The following TBC1D24 variants were observed in gnomAD, a reference collection of about 807,000 sequenced individuals.
The protein encoded by TBC1D24 is Infantile myoclonic epilepsy.
In TBC1D24, 47 loss-of-function variants were observed where a neutral mutation model predicts 50.7. The observed-to-expected ratio is 0.93, with a 90% CI of 0.73 to 1.18. The LOEUF (loss-of-function observed/expected upper bound fraction) is 1.18, where lower values mean the gene tolerates loss of function less well. Ranked by LOEUF, TBC1D24 falls within the 50% of genes most tolerant of loss-of-function variation. The pLI is 0.00. For synonymous variants in TBC1D24, 324 were observed against 335.2 expected, an observed-to-expected ratio of 0.97 and a Z score of 0.36; for missense variants, 688 against 766.5, an observed-to-expected ratio of 0.90 and a Z score of 1.21.
rs2065563492 is a variant in TBC1D24 at position 2,475,842 on chromosome 16, G to T, written c.-116+672G>T. Among the ~76,000 whole-genome samples the T allele has an allele frequency of 6.6e-6, 1 of 152,126 alleles. No homozygotes were observed. The highest frequency in any genetic ancestry group is 2.1e-4 in the South Asian group (1 of 4,828). On this transcript the variant is annotated intron_variant, in intron 1 of 7. Transcript: ENST00000646147. This position sits in a 1 kb window ranked among gnomAD's most constrained non-coding sequence, Gnocchi z 4.2. ...GCACCTGTTCCCGCCCCCTCCAGGC[G>T]GGAGTCCCCGCGGCCTGGCCACAGG...
chr16:2,477,392 G>A (rs535174298), intron 1 of TBC1D24: 1 of 152,170 alleles, frequency 6.6e-6, no homozygotes. Context: ...GGGCAACATA[G>A]GGAGGTCTCG....
rs796053404 is a variant in TBC1D24 at position 2,497,727 on chromosome 16, G to T, written c.983G>T (p.Arg328Met). Residue 328 changes from arginine (R) to methionine (M), a missense_variant and splice_region_variant, in exon 3 of 8, where the codon AGG (arginine) becomes ATG (methionine). By Grantham distance (91) the Arg-to-Met change is moderately conservative. Transcript: ENST00000646147. ...TTTTTCAGTGTGTCACTTTCTAAAAGGTAGGTCTGAAACTGTATCTGCACA... is the reference window on the plus strand; with the variant it reads ...TTTTTCAGTGTGTCACTTTCTAAAATGTAGGTCTGAAACTGTATCTGCACA... ...VKQKSVSLSK[R>M]QFVHLAVHAE... 2.0e-6 allele frequency: 3 copies of T among 1,536,010 alleles called. No homozygotes were observed. The highest frequency in any genetic ancestry group is 2.6e-6 in the Non-Finnish European group (3 of 1,146,888).
In TBC1D24 at chr16:2,497,695, TCTC is replaced by T. The variant is rs2065755511; in HGVS notation, c.966-12_966-10del. ...TTTTTCTTCTCCATGTCCGTTGCTT[TCTC>T]CTGTTTTTCAGTGTGTCACTTTCTA... On this transcript the variant is annotated splice_polypyrimidine_tract_variant and intron_variant, in intron 2 of 7. Coordinates refer to ENST00000646147, the MANE Select transcript of TBC1D24 (RefSeq NM_001199107.2). The T allele has an allele frequency of 1.3e-6, 2 of 1,536,040 alleles. No homozygotes were observed. The highest frequency in any genetic ancestry group is 1.7e-6 in the Non-Finnish European group (2 of 1,146,784).
intron 1 of TBC1D24, chr16:2,476,899 T>C (rs1206671037): frequency 6.6e-6 from 1 of 152,186 alleles, no homozygotes; most frequent in Non-Finnish European, 1.5e-5. Context: ...CTGCCAGGAG[T>C]GTCCAGCAGG....
At chr16:2,494,472 A>C (rs1170278813) in intron 1 of TBC1D24, among the ~76,000 whole-genome samples, 1 of 151,714 alleles carries the variant, frequency 6.6e-6, no homozygotes. Context: ...TGATCTTCTC[A>C]ACTGGGGGTT....
rs576798731 is a variant in TBC1D24, at chr16:2,505,183, A to T, written c.*4225A>T. On this transcript the variant is annotated 3_prime_UTR_variant, in exon 8 of 8. Transcript: ENST00000646147. ...TAGGTAGAAAAGTATGTGGATTTTT[A>T]AAAATCATCTGGTATAAAGAGTTTT... 1 of 152,362 alleles carries T rather than the reference A, an allele frequency of 6.6e-6. No individual in the cohort carries two copies. Among genetic ancestry groups the T allele is most frequent in the South Asian group, 2.1e-4 (1 of 4,830 alleles). The allele number at this position is 152,362 out of a possible 1,614,324, so 9.4% of individuals were successfully genotyped here.
intron 1 of TBC1D24, chr16:2,476,488 C>T (rs1249994518): frequency 1.3e-5 from 2 of 152,254 alleles, no homozygotes; most frequent in East Asian, 1.9e-4. Context: ...TGTGGCGTGA[C>T]CCCTGCGTGC....
In TBC1D24 at chr16:2,496,889, C is replaced by T. The variant is rs1339188304; in HGVS notation, c.741C>T (p.Ile247=). The change falls in exon 2 of 8, where the codon ATC becomes ATT. Residue 247 remains isoleucine, a synonymous_variant. Transcript: ENST00000646147. The stretch of plus-strand genomic sequence containing the variant: ...TGCTGTACCGCGTGGCGCTGGCCAT[C>T]CTCAAGTTCTTCCACAAGGTGAGGG... ...YKVLYRVALA[I]LKFFHKVRAG... 2 of 1,614,154 alleles carry T rather than the reference C, an allele frequency of 1.2e-6. No homozygotes were observed. Among genetic ancestry groups the T allele is most frequent in the Non-Finnish European group, 1.7e-6 (2 of 1,180,052 alleles).
chr16:2,478,541 T>C (rs1040487054), intron 1 of TBC1D24: 8 of 152,130 alleles, frequency 5.3e-5, no homozygotes, highest in African/African-American at 1.9e-4. Context: ...ACGAGAGCAT[T>C]TTGGGGATGC....
In TBC1D24 at chr16:2,499,734, G is replaced by GTCTCC; in HGVS notation, c.1207-101_1207-100insTCTCC. The GTCTCC allele has an allele frequency of 9.5e-7, 1 of 1,057,414 alleles. No homozygotes were observed. Among genetic ancestry groups the GTCTCC allele is most frequent in the Non-Finnish European group, 1.5e-6 (1 of 673,090 alleles). The allele number at this position is 1,057,414 out of a possible 1,614,324, so 65.5% of individuals were successfully genotyped here. On this transcript the variant is annotated intron_variant, in intron 5 of 7. Transcript: ENST00000646147. The surrounding 1 kb of genome is among the most constrained non-coding windows in gnomAD (Gnocchi z 4.0). The stretch of plus-strand genomic sequence containing the variant: ...GTGGGGGTGGGAGACGGCAATGCCT[G>GTCTCC]CACCCCCACCTGTGACCTGGGACAG...
In TBC1D24 at chr16:2,496,796, G is replaced by C. The variant is rs571126287; in HGVS notation, c.648G>C (p.Leu216=). ...TCTATGCGGACTGGCAGCGCTGGCT[G>C]TTTGGGGAGCTGCCCCTCTGCTACT... ...LQVYADWQRW[L]FGELPLCYFA... The change falls in exon 2 of 8, where the codon CTG becomes CTC. Residue 216 remains leucine (L), a synonymous_variant. Coordinates refer to ENST00000646147, the MANE Select transcript of TBC1D24 (RefSeq NM_001199107.2). The C allele has an allele frequency of 7.4e-6, 12 of 1,613,894 alleles. No individual in the cohort carries two copies. In the African/African-American group the frequency reaches 9.3e-5, roughly 13 times the overall value.
Position 2,483,138 on chromosome 16 carries a change from G to C in TBC1D24, c.-116+7968G>C, listed in dbSNP as rs1467643166. On this transcript the variant is annotated intron_variant, in intron 1 of 7. Coordinates refer to ENST00000646147, the MANE Select transcript of TBC1D24 (RefSeq NM_001199107.2). This position sits in a 1 kb window ranked among gnomAD's most constrained non-coding sequence, Gnocchi z 4.0. ...TTGGTCTGTGGTGGGAATGCAGAGA[G>C]CTGGGAAGCTCACGCCTGACAAGCC... 6.6e-6 allele frequency: 1 copy of C among 152,638 alleles called. No individual in the cohort carries two copies. Among genetic ancestry groups the C allele is most frequent in the African/African-American group, 2.4e-5 (1 of 41,432 alleles). The allele number at this position is 152,638 out of a possible 1,614,324, so 9.5% of individuals were successfully genotyped here.
Position 2,499,881 on chromosome 16 carries a change from T to C in TBC1D24, c.1253T>C (p.Phe418Ser), listed in dbSNP as rs776176742. The change falls in exon 6 of 8, where the codon TTT (phenylalanine) becomes TCT (serine). Residue 418 changes from phenylalanine to serine, a missense_variant. By Grantham distance (155) the Phe-to-Ser change is radical (BLOSUM62 -2). Transcript: ENST00000646147. This position sits in a 1 kb window ranked among gnomAD's most constrained non-coding sequence, Gnocchi z 4.0. ...ACAGACTGGAGTGAGAGAAATAAGT[T>C]TGGAGGCAAACTGGGCTTCTTTGGG... ...LSTDWSERNK[F>S]GGKLGFFGTG... is the part of the protein sequence containing the mutation. The C allele has an allele frequency of 1.1e-5, 18 of 1,613,896 alleles. No individual in the cohort carries two copies. Among genetic ancestry groups the C allele is most frequent in the East Asian group, 2.2e-5 (1 of 44,860 alleles).
chr16:2,497,661 T>C (rs1165712588), intron 2 of TBC1D24, 49 bp from the exon 3 acceptor site: 2 of 1,527,956 alleles, frequency 1.3e-6, no homozygotes, highest in Admixed American at 2.0e-5. Context: ...CCTCTCTTTG[T>C]CTGTTTTATT....
intron 1 of TBC1D24, chr16:2,480,125 T>C (rs886312339): frequency 2.0e-5 from 3 of 151,842 alleles, no homozygotes; most frequent in Admixed American, 6.6e-5. Flanking sequence ...CCACCGTGCC[T>C]GGTCGTTAAT....
chr16:2,500,625 G>C lies in TBC1D24; in HGVS notation c.1525+135G>C. 1.6e-5 allele frequency: 21 copies of C among 1,276,254 alleles called. No homozygotes were observed. The highest frequency in any genetic ancestry group is 2.1e-5 in the Non-Finnish European group (20 of 934,308). 79.1% of individuals were successfully genotyped at this position (1,276,254 alleles called of 1,614,324 possible). On this transcript the variant is annotated intron_variant, in intron 7 of 7. Transcript: ENST00000646147. This position sits in a 1 kb window ranked among gnomAD's most constrained non-coding sequence, Gnocchi z 8.0. The stretch of plus-strand genomic sequence containing the variant: ...CAGGGTGGACCAGGCATGATGGGTG[G>C]GAGGGGGCTGGAAGGGAGAGACCAG...
In TBC1D24 at chr16:2,503,345, T is replaced by C. The variant is rs1403779179; in HGVS notation, c.*2387T>C. The C allele has an allele frequency of 6.6e-6, 1 of 152,236 alleles. No individual in the cohort carries two copies. Among genetic ancestry groups the C allele is most frequent in the Non-Finnish European group, 1.5e-5 (1 of 68,044 alleles). The allele number at this position is 152,236 out of a possible 1,614,324, so 9.4% of individuals were successfully genotyped here. On this transcript the variant is annotated 3_prime_UTR_variant, in exon 8 of 8. Transcript: ENST00000646147. ...TTATTCTTATCACTGTACTTGTTAG[T>C]ATCTGATATTAGGTATTCCCAAATA...
At position 2,482,592 on chromosome 16, in the gene TBC1D24, A is replaced by G. The variant is rs913599271; in HGVS notation, c.-116+7422A>G. Among the ~76,000 whole-genome samples, 1 of 152,116 alleles carries G rather than the reference A, an allele frequency of 6.6e-6. No individual in the cohort carries two copies. Among genetic ancestry groups the G allele is most frequent in the African/African-American group, 2.4e-5 (1 of 41,422 alleles). The stretch of plus-strand genomic sequence containing the variant: ...TGGGTCCTGAAGGGCGGGGGACACC[A>G]GGAGAGGGTTTCGGGTGGAGAACGG... On this transcript the variant is annotated intron_variant, in intron 1 of 7. Transcript: ENST00000646147. The surrounding 1 kb of genome is among the most constrained non-coding windows in gnomAD (Gnocchi z 5.2).
In TBC1D24 at chr16:2,496,827, C is replaced by G. The variant is rs748302886; in HGVS notation, c.679C>G (p.Arg227Gly). 3.1e-6 allele frequency: 5 copies of G among 1,613,938 alleles called. No individual in the cohort carries two copies. Among genetic ancestry groups the G allele is most frequent in the Non-Finnish European group, 4.2e-6 (5 of 1,180,054 alleles). Residue 227 changes from arginine (R) to glycine (G), a missense_variant, in exon 2 of 8, where the codon CGG becomes GGG. Arg to Gly is a moderately radical substitution (Grantham distance 125). Transcript: ENST00000646147. Reference sequence around the variant, plus strand: ...GGAGCTGCCCCTCTGCTACTTCGCCCGGGTCTTTGACGTCTTCCTGGTGGA... The same window carrying G: ...GGAGCTGCCCCTCTGCTACTTCGCCGGGGTCTTTGACGTCTTCCTGGTGGA... ...FGELPLCYFA[R>G]VFDVFLVEGY...
Sources: allele counts gnomAD v4.1 joint callset (sites outside exome capture counted in the v4.1 genomes callset), GRCh38; gene constraint gnomAD v4.1.1; non-coding constraint Gnocchi (gnomAD v3.1); transcripts MANE v1.5; gene names NCBI Gene and HGNC (gene_info 2026-07-23, HGNC 2026-07-21).